Variants in ATM observed in about 807,000 individuals in gnomAD.
The protein encoded by ATM is serine-protein kinase ATM.
In ATM, 308 loss-of-function variants were observed where a neutral mutation model predicts 387.0. The observed-to-expected ratio is 0.80, with a 90% CI of 0.73 to 0.87. The LOEUF (loss-of-function observed/expected upper bound fraction) is 0.87. Among genes scored for constraint, ATM ranks in the 40% least tolerant of loss-of-function variants. ATM has a pLI of 0.00. For missense variants in ATM, 3,312 were observed against 3,560.9 expected, an observed-to-expected ratio of 0.93 and a Z score of 1.78; for synonymous variants, 1,156 against 1,187.3, an observed-to-expected ratio of 0.97 and a Z score of 0.54.
intron 5 of ATM, chr11:108,236,534 TAA>T (rs11418587): frequency 5.6e-5 from 8 of 141,750 alleles, no homozygotes; most frequent in East Asian, 2.1e-4. Flanking sequence ...TGTTTCCATT[TAA>T]AAAAAAAAAA....
At chr11:108,266,063 G>T (rs2081216877) in intron 16 of ATM, among the ~76,000 whole-genome samples, 1 of 151,896 alleles carries the variant, frequency 6.6e-6, no homozygotes, top group Admixed American at 6.6e-5. Flanking sequence ...AACCATTGTG[G>T]AAGTCAGTGT....
intron 39 of ATM, among the ~76,000 whole-genome samples, chr11:108,311,016 G>A (rs935134977): frequency 1.2e-4 from 18 of 152,332 alleles, no homozygotes; most frequent in African/African-American, 4.3e-4. Context: ...CGCCCAGGCT[G>A]TGGTGCAGTG....
intron 56 of ATM, among the ~76,000 whole-genome samples, chr11:108,337,689 C>T (rs948622845): frequency 3.3e-5 from 5 of 152,202 alleles, no homozygotes; most frequent in Non-Finnish European, 7.3e-5. Context: ...TATTAGCTAT[C>T]TCCTATCTGA....
chr11:108,305,927 A>G (rs1190374525), intron 37 of ATM, among the ~76,000 whole-genome samples: 2 of 152,288 alleles, frequency 1.3e-5, no homozygotes, highest in African/African-American at 4.8e-5. Flanking sequence ...GCTAGGTGCA[A>G]ATTCACTTGT....
chr11:108,343,196 A>G lies in ATM; in HGVS notation c.8269-26A>G. 2 of 1,613,728 alleles carry G rather than the reference A, an allele frequency of 1.2e-6. 1 individual carries two copies. The highest frequency in any genetic ancestry group is 1.7e-6 in the Non-Finnish European group (2 of 1,179,676). On this transcript the variant is annotated intron_variant, in intron 56 of 62. Transcript: ENST00000675843. ...TGCTCTTTAATGGCCTTTTAAAATT[A>G]AAAGGTATTTAATCTGTAACTCCAG...
intron 33 of ATM, among the ~76,000 whole-genome samples, chr11:108,297,597 C>T (rs544147873): frequency 3.9e-5 from 6 of 152,244 alleles, no homozygotes; most frequent in Non-Finnish European, 7.4e-5. Context: ...GACAGAATTG[C>T]CCAATGACAC....
chr11:108,229,397 T>A (rs1711922538), intron 4 of ATM, 74 bp downstream of exon 4: 8 of 1,257,008 alleles, frequency 6.4e-6, no homozygotes, highest in Non-Finnish European at 7.9e-6. Context: ...TTTTTTCAGA[T>A]CATTTTAAGG....
In ATM at chr11:108,365,807, T is replaced by G. The variant is rs2091286649; in HGVS notation, c.*299T>G. The G allele has an allele frequency of 2.6e-6, 1 of 381,392 alleles. No individual in the cohort carries two copies. Among genetic ancestry groups the G allele is most frequent in the Admixed American group, 4.1e-5 (1 of 24,264 alleles). 23.6% of individuals were successfully genotyped at this position (381,392 alleles called of 1,614,324 possible). On this transcript the variant is annotated 3_prime_UTR_variant, in exon 63 of 63. Coordinates refer to ENST00000675843, the MANE Select transcript of ATM (RefSeq NM_000051.4). ...GGTGAGCGGATCACAAGGTCAGGAG[T>G]TCGAGACCAGCCTGGCCAAGAGACC...
chr11:108,333,843 G>C (rs753861164), intron 53 of ATM, 43 bp from the exon 54 acceptor site: 3 of 1,460,162 alleles, frequency 2.1e-6, no homozygotes, highest in Non-Finnish European at 2.9e-6. Flanking sequence ...CTTCAATGCT[G>C]TTCCTCAGTT....
At chr11:108,295,233 T>A (rs1444971834) in intron 32 of ATM, 174 bp downstream of exon 32, 1 of 750,196 alleles carries the variant, frequency 1.3e-6, no homozygotes, top group Non-Finnish European at 2.2e-6. Context: ...CTTCTCACCC[T>A]GAACTCTTCC....
chr11:108,346,659 A>G (rs566223601), intron 58 of ATM: 4 of 154,296 alleles, frequency 2.6e-5, no homozygotes, highest in African/African-American at 9.6e-5. Flanking sequence ...TAAACAAGAA[A>G]GTAGGCCTAG....
At chr11:108,260,853 C>G (rs1037413532) in intron 16 of ATM, among the ~76,000 whole-genome samples, 33 of 152,334 alleles carry the variant, frequency 2.2e-4, no homozygotes, top group African/African-American at 7.0e-4. Flanking sequence ...AGGGAGTTCC[C>G]TTTCTGAGTC....
At chr11:108,362,572 G>C (rs1270830363) in intron 61 of ATM, among the ~76,000 whole-genome samples, 2 of 149,774 alleles carry the variant, frequency 1.3e-5, no homozygotes, top group African/African-American at 2.5e-5. Context: ...ATGATAGACT[G>C]GATTAAGAAA....
chr11:108,246,068 C>G (rs978377586), intron 7 of ATM, among the ~76,000 whole-genome samples: 4 of 152,084 alleles, frequency 2.6e-5, no homozygotes, highest in Admixed American at 1.3e-4. Context: ...AAACCATCCA[C>G]CCGCCTCAGC....
At chr11:108,239,255 G>A (rs1461989135) in intron 5 of ATM, among the ~76,000 whole-genome samples, 1 of 152,090 alleles carries the variant, frequency 6.6e-6, no homozygotes, top group Non-Finnish European at 1.5e-5. Context: ...CCCCAAAGAG[G>A]GCCCTCACCA....
chr11:108,270,223 T>G (rs1341440869), intron 18 of ATM, among the ~76,000 whole-genome samples: 2 of 152,214 alleles, frequency 1.3e-5, no homozygotes, highest in African/African-American at 4.8e-5. Context: ...CCTTACAAGA[T>G]TGCCTTATGG....
Position 108,244,834 on chromosome 11 carries a change from A to G in ATM, c.709A>G (p.Thr237Ala), listed in dbSNP as rs376529329. 4 of 1,613,786 alleles carry G rather than the reference A, an allele frequency of 2.5e-6. No homozygotes were observed. In the African/African-American group the frequency reaches 4.0e-5, roughly 16 times the overall value. The change falls in exon 7 of 63, where the codon ACT becomes GCT. Residue 237 changes from threonine (T) to alanine (A), a missense_variant. By Grantham distance (58) the Thr-to-Ala change is moderately conservative. Coordinates refer to ENST00000675843, the MANE Select transcript of ATM (RefSeq NM_000051.4). Reference sequence around the variant, plus strand: ...TCTAAATCATATCTTAGCAGCTCTTACTATCTTCCTCAAGACTTTGGCTGT... The same window carrying G: ...TCTAAATCATATCTTAGCAGCTCTTGCTATCTTCCTCAAGACTTTGGCTGT... Reference protein sequence around the residue: ...SGLNHILAALTIFLKTLAVNF... With the variant: ...SGLNHILAALAIFLKTLAVNF...
intron 55 of ATM, among the ~76,000 whole-genome samples, chr11:108,335,491 A>G (rs550555302): frequency 8.5e-5 from 13 of 152,250 alleles, no homozygotes; most frequent in Non-Finnish European, 1.8e-4. Flanking sequence ...TAATGTACCA[A>G]AAAGGGAGAG....
rs768748099 is a variant in ATM at position 108,243,934 on chromosome 11, ATTT to A, written c.497-6_497-4del. 5 of 1,200,374 alleles carry A rather than the reference ATTT, an allele frequency of 4.2e-6. No individual in the cohort carries two copies. Among genetic ancestry groups the A allele is most frequent in the Admixed American group, 2.5e-5 (1 of 40,348 alleles). The allele number at this position is 1,200,374 out of a possible 1,614,324, so 74.4% of individuals were successfully genotyped here. A position where few individuals can be genotyped will look rare whatever the true frequency, so the allele number is the denominator to read the frequency against. On this transcript the variant is annotated splice_polypyrimidine_tract_variant and intron_variant, in intron 5 of 62. Transcript: ENST00000675843. ...GATTTTTAAAAAATCATGACTAATAATTTTTTTTTTTTTTTAAGAATTGTTCTC... is the reference window on the plus strand; with the variant it reads ...GATTTTTAAAAAATCATGACTAATAATTTTTTTTTTTTAAGAATTGTTCTC...
Sources: gnomAD v4.1 joint callset for allele counts (sites outside exome capture counted in the v4.1 genomes callset) on GRCh38, gnomAD v4.1.1 for gene constraint, MANE v1.5 for transcripts, NCBI Gene and HGNC (gene_info 2026-07-23, HGNC 2026-07-21) for gene names.